AOX1: variants seen among roughly 807,000 people sequenced by gnomAD.
AOX1 encodes the protein aldehyde oxidase.
Under a neutral mutation model 169.5 loss-of-function variants are expected in AOX1, and 153 were observed. That is an observed-to-expected ratio of 0.90 (90% CI 0.79 to 1.03). The LOEUF is 1.03. Among genes scored for constraint, AOX1 ranks in the 50% least tolerant of loss-of-function variants. AOX1 has a pLI of 0.00. For missense variants in AOX1, 1,656 were observed against 1,663.9 expected, an observed-to-expected ratio of 1.00 and a Z score of 0.08; for synonymous variants, 562 against 581.9, an observed-to-expected ratio of 0.97 and a Z score of 0.49.
At position 200,642,650 on chromosome 2, in the gene AOX1, A is replaced by C; in HGVS notation, c.2696A>C (p.Lys899Thr). ...CTTCTGAAAATGGACAATGCTTACAAGTTTCCCAATCTCCGCTGCCGGGGT... is the reference window on the plus strand; with the variant it reads ...CTTCTGAAAATGGACAATGCTTACACGTTTCCCAATCTCCGCTGCCGGGGT... The part of the protein sequence containing the change: ...MGLLKMDNAY[K>T]FPNLRCRGWA... Residue 899 changes from lysine (K) to threonine (T), a missense_variant, in exon 25 of 35, where the codon AAG becomes ACG. By Grantham distance (78) the Lys-to-Thr change is moderately conservative (BLOSUM62 -1). Transcript: ENST00000374700. 10 of 1,614,118 alleles carry C rather than the reference A, an allele frequency of 6.2e-6. No homozygotes were observed. Among genetic ancestry groups the C allele is most frequent in the African/African-American group, 1.3e-5 (1 of 75,038 alleles).
At chr2:200,680,701 A>T (rs2036144964), downstream of AOX1, among the ~76,000 whole-genome samples, 1 of 152,082 alleles carries the variant, frequency 6.6e-6, no homozygotes, top group Non-Finnish European at 1.5e-5. Flanking sequence ...GTGTGCCACC[A>T]TTCTCAGCTT....
At chr2:200,674,868 G>A (rs971041686), downstream of AOX1, among the ~76,000 whole-genome samples, 20 of 152,208 alleles carry the variant, frequency 1.3e-4, no homozygotes, top group African/African-American at 4.8e-4. Flanking sequence ...AACGTTTTCT[G>A]GGTAGAGGTT....
intron 4 of AOX1, among the ~76,000 whole-genome samples, chr2:200,598,930 G>A (rs1052875351): frequency 2.0e-5 from 3 of 152,200 alleles, no homozygotes; most frequent in Non-Finnish European, 4.4e-5. Flanking sequence ...ATTTTGCCTG[G>A]ATCATTATGA....
intron 25 of AOX1, among the ~76,000 whole-genome samples, chr2:200,644,978 A>G (rs912063127): frequency 2.0e-5 from 3 of 152,126 alleles, no homozygotes; most frequent in Non-Finnish European, 4.4e-5. Flanking sequence ...GTAAATGATT[A>G]TATCGTCAGC....
chr2:200,622,910 C>T (rs1478139361), intron 18 of AOX1, among the ~76,000 whole-genome samples: 1 of 152,202 alleles, frequency 6.6e-6, no homozygotes, highest in Non-Finnish European at 1.5e-5. Context: ...ATAGATCCAT[C>T]ACCCAGCTTC....
chr2:200,614,600 T>G (rs909900729), intron 15 of AOX1, among the ~76,000 whole-genome samples: 22 of 152,122 alleles, frequency 1.4e-4, no homozygotes, highest in Admixed American at 9.8e-4. Context: ...TCTGAATAAA[T>G]CCATTAGACC....
chr2:200,633,180 A>G (rs991876680), intron 20 of AOX1, among the ~76,000 whole-genome samples: 1 of 152,072 alleles, frequency 6.6e-6, no homozygotes, highest in African/African-American at 2.4e-5. Context: ...AGTTTTCTGA[A>G]GTTTGACTAT....
intron 8 of AOX1, 116 bp downstream of exon 8, chr2:200,604,213 C>A: frequency 2.6e-6 from 2 of 757,406 alleles, no homozygotes; most frequent in Non-Finnish European, 4.6e-6. Context: ...GCCTCTCTGT[C>A]ATCCTTAGCT....
At chr2:200,620,521 T>C in intron 16 of AOX1, 129 bp from the exon 17 acceptor site, 1 of 903,226 alleles carries the variant, frequency 1.1e-6, no homozygotes, top group Non-Finnish European at 1.6e-6. Flanking sequence ...ATAGTGCTTT[T>C]TCATATGCAA....
At position 200,593,164 on chromosome 2, in the gene AOX1, G is replaced by T. The variant is rs576029615; in HGVS notation, c.64G>T (p.Asp22Tyr). The T allele has an allele frequency of 6.2e-7, 1 of 1,613,336 alleles. No homozygotes were observed. The highest frequency in any genetic ancestry group is 2.2e-5 in the East Asian group (1 of 44,868). ...GGTATAGGTGATAGAAAAAAATGTC[G>T]ATCCTGAAACAATGCTGTTGCCTTA... ...NGRKVIEKNVDPETMLLPYLR... is the reference protein window; with the variant it reads ...NGRKVIEKNVYPETMLLPYLR... The change falls in exon 2 of 35, where the codon GAT becomes TAT. Residue 22 changes from aspartate (D) to tyrosine (Y), a missense_variant. Physicochemically the swap from Asp to Tyr is radical, Grantham distance 160. Transcript: ENST00000374700.
intron 5 of AOX1, 37 bp from the exon 6 acceptor site, chr2:200,602,247 G>A (rs2034429439): frequency 6.3e-7 from 1 of 1,595,066 alleles, no homozygotes; most frequent in Non-Finnish European, 8.6e-7. Context: ...CTCTATCTGG[G>A]TCACTTGGCT....
intron 32 of AOX1, among the ~76,000 whole-genome samples, chr2:200,667,938 C>T (rs552046919): frequency 6.6e-6 from 1 of 152,114 alleles, no homozygotes; most frequent in African/African-American, 2.4e-5. Flanking sequence ...ACACATCAGT[C>T]AGGGGGGTTT....
intron 24 of AOX1, among the ~76,000 whole-genome samples, chr2:200,641,618 C>T (rs563497647): frequency 9.9e-5 from 15 of 152,144 alleles, no homozygotes; most frequent in African/African-American, 3.4e-4. Context: ...GGCTGTAGTG[C>T]GGTGGCTCAA....
intron 25 of AOX1, among the ~76,000 whole-genome samples, chr2:200,649,473 G>A (rs988303330): frequency 6.6e-6 from 1 of 152,150 alleles, no homozygotes; most frequent in African/African-American, 2.4e-5. Flanking sequence ...GGTCCTGCAG[G>A]AGTAGTCCAC....
chr2:200,614,867 C>T (rs2034718834), intron 15 of AOX1, among the ~76,000 whole-genome samples: 3 of 152,268 alleles, frequency 2.0e-5, no homozygotes, highest in Admixed American at 2.0e-4. Context: ...GACATATTGT[C>T]ACCAGGTAAC....
At chr2:200,623,739 C>T in intron 18 of AOX1, 122 bp from the exon 19 acceptor site, 3 of 1,478,430 alleles carry the variant, frequency 2.0e-6, no homozygotes, top group South Asian at 1.2e-5. Context: ...GGAGGGGTCA[C>T]ACCTGTGTGT....
chr2:200,621,533 G>A (rs1403689863), intron 18 of AOX1, among the ~76,000 whole-genome samples: 4 of 152,010 alleles, frequency 2.6e-5, no homozygotes, highest in African/African-American at 9.7e-5. Flanking sequence ...ATGGAATAAT[G>A]GTAAATTTTA....
Position 200,638,231 on chromosome 2 carries a change from C to T in AOX1, c.2497C>T (p.Arg833Cys), listed in dbSNP as rs749776412. The T allele has an allele frequency of 1.2e-5, 20 of 1,613,370 alleles. No individual in the cohort carries two copies. Among genetic ancestry groups the T allele is most frequent in the Non-Finnish European group, 1.6e-5 (19 of 1,179,586 alleles). The change falls in exon 23 of 35, where the codon CGC becomes TGC. Residue 833 changes from arginine (R) to cysteine (C), a missense_variant. Arg to Cys is a radical substitution (Grantham distance 180, BLOSUM62 -3). Transcript: ENST00000374700. ...CTGTTTTAGACATGGCCGTGCAGTT[C>T]GCTGTGTTCTGGAACGAGGAGAAGA... ...FAANKHGRAVRCVLERGEDML... is the reference protein window; with the variant it reads ...FAANKHGRAVCCVLERGEDML...
At chr2:200,665,859 T>C (rs1256713845) in intron 31 of AOX1, among the ~76,000 whole-genome samples, 2 of 152,236 alleles carry the variant, frequency 1.3e-5, no homozygotes, top group Non-Finnish European at 2.9e-5. Context: ...AAAGAGGACT[T>C]TACATTTTAC....
Sources: allele counts gnomAD v4.1 joint callset (sites outside exome capture counted in the v4.1 genomes callset), GRCh38; gene constraint gnomAD v4.1.1; transcripts MANE v1.5; gene names NCBI Gene and HGNC (gene_info 2026-07-23, HGNC 2026-07-21).